PDE10A: variants seen among roughly 807,000 people sequenced by gnomAD.
PDE10A encodes the protein cAMP and cAMP-inhibited cGMP 3',5'-cyclic phosphodiesterase 10A.
A neutral mutation model predicts 97.7 loss-of-function variants in PDE10A; 39 were observed. The observed-to-expected ratio is 0.40, with a 90% CI of 0.31 to 0.52. PDE10A has a LOEUF of 0.52. Ranked by LOEUF, PDE10A falls within the 20% of genes least tolerant of loss-of-function variation. The probability of loss-of-function intolerance (pLI) is 0.56; values close to 1 mark genes in which losing one functional copy is unlikely to be tolerated. For missense variants in PDE10A, 731 were observed against 1,047.8 expected (o/e 0.70, Z 4.17); for synonymous variants, 371 against 376.8 (o/e 0.98, Z 0.18).
intron 2 of PDE10A, among the ~76,000 whole-genome samples, chr6:165,533,553 C>G (rs1782907562): frequency 6.6e-6 from 1 of 152,138 alleles, no homozygotes; most frequent in Admixed American, 6.5e-5. Flanking sequence ...TCTTGTTCTC[C>G]AATTATACAT....
At chr6:165,826,495 C>G (rs532916487) in intron 1 of PDE10A, among the ~76,000 whole-genome samples, 25 of 152,068 alleles carry the variant, frequency 1.6e-4, no homozygotes, top group African/African-American at 6.0e-4. Context: ...GTCCCTCTGT[C>G]CCTGTGTCCC....
chr6:165,791,404 G>A (rs1778644773), intron 1 of PDE10A, among the ~76,000 whole-genome samples: 1 of 152,086 alleles, frequency 6.6e-6, no homozygotes, highest in Non-Finnish European at 1.5e-5. Context: ...ATGTAAATAT[G>A]CCACAATTTC....
chr6:165,851,830 C>T (rs140443706), intron 1 of PDE10A, among the ~76,000 whole-genome samples: 1,748 of 152,120 alleles, frequency 0.011, 34 homozygotes, highest in African/African-American at 0.037. Flanking sequence ...GTGGCTCATG[C>T]CTGTAATCCC....
intron 2 of PDE10A, among the ~76,000 whole-genome samples, chr6:165,496,786 T>TA (rs1195237629): frequency 6.6e-6 from 1 of 152,256 alleles, no homozygotes; most frequent in Non-Finnish European, 1.5e-5. Flanking sequence ...AAAAGAGTGC[T>TA]AAAATGCTAG....
At chr6:165,669,309 C>T (rs565068567) in intron 1 of PDE10A, among the ~76,000 whole-genome samples, 38 of 152,280 alleles carry the variant, frequency 2.5e-4, no homozygotes, top group African/African-American at 8.4e-4. Context: ...GCAGTTCAGA[C>T]GAGCAGCATA....
At chr6:165,436,554 T>C (rs945589701) in intron 5 of PDE10A, among the ~76,000 whole-genome samples, 2 of 152,182 alleles carry the variant, frequency 1.3e-5, no homozygotes, top group Non-Finnish European at 2.9e-5. Flanking sequence ...AAGTTCAAAA[T>C]ACTTGTATTT....
At chr6:165,500,275 C>T (rs1480074857) in intron 2 of PDE10A, among the ~76,000 whole-genome samples, 3 of 151,900 alleles carry the variant, frequency 2.0e-5, no homozygotes, top group Non-Finnish European at 4.4e-5. Flanking sequence ...TCACAGATGG[C>T]ATTGTGCAGA....
intron 1 of PDE10A, among the ~76,000 whole-genome samples, chr6:165,567,324 T>C (rs1166513611): frequency 6.6e-6 from 1 of 152,186 alleles, no homozygotes; most frequent in East Asian, 1.9e-4. Flanking sequence ...TTCAGTATTA[T>C]CTCTATTTTT....
At chr6:165,482,436 G>A (rs1377142956) in intron 2 of PDE10A, 93 bp from the exon 3 acceptor site, 42 of 967,162 alleles carry the variant, frequency 4.3e-5, no homozygotes, top group Non-Finnish European at 1.0e-5. Context: ...TAAACTTGAA[G>A]GGTTTTTTTG....
At chr6:165,565,692 A>G (rs892671542) in intron 1 of PDE10A, among the ~76,000 whole-genome samples, 1 of 152,200 alleles carries the variant, frequency 6.6e-6, no homozygotes. Flanking sequence ...CAATAAGGCT[A>G]CAATAATCAA....
intron 10 of PDE10A, among the ~76,000 whole-genome samples, chr6:165,427,479 G>A (rs770753885): frequency 1.3e-5 from 2 of 152,042 alleles, no homozygotes; most frequent in Non-Finnish European, 2.9e-5. Flanking sequence ...GTGGAAATAG[G>A]GGCGTAAGGA....
chr6:165,532,248 AC>A (rs1313823770), intron 2 of PDE10A, among the ~76,000 whole-genome samples: 1 of 151,680 alleles, frequency 6.6e-6, no homozygotes, highest in Non-Finnish European at 1.5e-5. Context: ...TCAGCCCATG[AC>A]AGCACCACAT....
chr6:165,407,658 C>A (rs549465616), intron 13 of PDE10A, among the ~76,000 whole-genome samples: 11 of 152,298 alleles, frequency 7.2e-5, no homozygotes, highest in African/African-American at 2.6e-4. Context: ...ATTTTAATAG[C>A]AAATTTTGTT....
chr6:165,657,914 T>A (rs1562665681), intron 1 of PDE10A, among the ~76,000 whole-genome samples: 1 of 152,234 alleles, frequency 6.6e-6, no homozygotes, highest in African/African-American at 2.4e-5. Flanking sequence ...ATGCCTTGCT[T>A]TGCTGGTCAT....
At chr6:165,964,678 T>C (rs914279764) in intron 1 of PDE10A, among the ~76,000 whole-genome samples, 3 of 152,218 alleles carry the variant, frequency 2.0e-5, no homozygotes, top group Admixed American at 2.0e-4. Context: ...TATCCAGCAG[T>C]GCCCAATTTA....
intron 1 of PDE10A, among the ~76,000 whole-genome samples, chr6:165,913,133 A>T (rs901347671): frequency 5.9e-5 from 9 of 152,194 alleles, no homozygotes; most frequent in African/African-American, 1.9e-4. Context: ...TATATGAAAC[A>T]TAAATAAGTG....
chr6:165,957,762 T>C (rs1351052186), intron 1 of PDE10A, among the ~76,000 whole-genome samples: 1 of 152,188 alleles, frequency 6.6e-6, no homozygotes, highest in Non-Finnish European at 1.5e-5. Context: ...GCTTAAAATA[T>C]TTGGAAGGAG....
intron 1 of PDE10A, among the ~76,000 whole-genome samples, chr6:165,960,822 C>A (rs774933492): frequency 1.3e-5 from 2 of 152,150 alleles, no homozygotes; most frequent in Non-Finnish European, 2.9e-5. Context: ...CAGAGGAGCA[C>A]TCTGTGTGAG....
intron 1 of PDE10A, among the ~76,000 whole-genome samples, chr6:165,813,531 G>A (rs539768579): frequency 4.2e-4 from 64 of 152,258 alleles, no homozygotes; most frequent in African/African-American, 1.4e-3. Context: ...TTCTGACATC[G>A]CTGTTCAGCC....
Sources: gnomAD v4.1 joint callset for allele counts (sites outside exome capture counted in the v4.1 genomes callset) on GRCh38, gnomAD v4.1.1 for gene constraint, MANE v1.5 for transcripts, NCBI Gene and HGNC (gene_info 2026-07-23, HGNC 2026-07-21) for gene names.